Variants in TNNI3K observed in about 807,000 individuals in gnomAD.
TNNI3K encodes serine/threonine-protein kinase TNNI3K.
TNNI3K carries 140 observed loss-of-function variants against 114.5 expected under a neutral mutation model. The ratio of observed to expected loss-of-function variants is 1.22; its 90% CI spans 1.07 to 1.41. TNNI3K has a LOEUF of 1.41. Ranked by LOEUF, TNNI3K falls within the 40% of genes most tolerant of loss-of-function variation. The pLI, the probability that TNNI3K is intolerant of heterozygous loss-of-function variation, is 0.00. For missense variants in TNNI3K, 1,125 were observed against 1,007.6 expected (o/e 1.12, Z -1.58); for synonymous variants, 347 against 347.5 (o/e 1.00, Z 0.02).
chr1:74,427,490 C>T (rs1665693667), intron 17 of TNNI3K, among the ~76,000 whole-genome samples: 1 of 151,966 alleles, frequency 6.6e-6, no homozygotes, highest in Admixed American at 6.6e-5. Context: ...GTTTCACAAC[C>T]AATTGTTGGA....
At chr1:74,471,451 A>C (rs1667928689) in intron 21 of TNNI3K, 1 of 400,670 alleles carries the variant, frequency 2.5e-6, no homozygotes. Flanking sequence ...GACTTTTCTA[A>C]AAGGATGTAA....
intron 13 of TNNI3K, 46 bp downstream of exon 13, chr1:74,368,010 A>G: frequency 6.7e-7 from 1 of 1,488,838 alleles, no homozygotes; most frequent in Non-Finnish European, 9.0e-7. Context: ...ACTAAGGATA[A>G]CTATTGCTTC....
chr1:74,257,663 C>CTTACCTCTTT lies in TNNI3K; in HGVS notation c.333+6896_333+6897insACCTCTTTTT, dbSNP rs771946564. Among the ~76,000 whole-genome samples, 30 of 87,280 alleles carry CTTACCTCTTT rather than the reference C, an allele frequency of 3.4e-4. 1 individual carries two copies. Among genetic ancestry groups the CTTACCTCTTT allele is most frequent in the African/African-American group, 1.5e-3 (28 of 18,646 alleles). The allele number at this position is 87,280 out of a possible 152,430, so 57.3% of individuals were successfully genotyped here. A position where few individuals can be genotyped will look rare whatever the true frequency, so the allele number is the denominator to read the frequency against. ...TTGAACTTAGCCTCTTGGCTTACCT[C>CTTACCTCTTT]TTTTTTTTTTTTTTTTTTTTTTTGA... On this transcript the variant is annotated intron_variant, in intron 4 of 24. Coordinates refer to ENST00000326637, the MANE Select transcript of TNNI3K (RefSeq NM_015978.3).
intron 21 of TNNI3K, among the ~76,000 whole-genome samples, chr1:74,477,859 C>T (rs3737566): frequency 0.097 from 14,701 of 152,186 alleles, 1,850 homozygotes; most frequent in African/African-American, 0.29. Context: ...TAACAATCTA[C>T]CTGTGTTGGC....
At chr1:74,237,369 G>T (rs1232684870) in intron 2 of TNNI3K, among the ~76,000 whole-genome samples, 1 of 151,932 alleles carries the variant, frequency 6.6e-6, no homozygotes, top group South Asian at 2.1e-4. Context: ...ATATGTATTT[G>T]TTTTGTTGGA....
chr1:74,430,131 C>T, intron 17 of TNNI3K, among the ~76,000 whole-genome samples: 1 of 152,056 alleles, frequency 6.6e-6, no homozygotes, highest in East Asian at 1.9e-4. Context: ...TCTAAGGCCA[C>T]CATGAACTTC....
At chr1:74,461,455 G>C (rs1007353910) in intron 20 of TNNI3K, among the ~76,000 whole-genome samples, 1 of 150,704 alleles carries the variant, frequency 6.6e-6, no homozygotes, top group Non-Finnish European at 1.5e-5. Context: ...ACTCCAGCCT[G>C]GGTGACACAG....
chr1:74,460,307 T>TCTGC lies in TNNI3K; in HGVS notation c.2012-3132_2012-3129dup, dbSNP rs537441298. 7.8e-3 allele frequency among the ~76,000 whole-genome samples: 1,190 copies of TCTGC among 152,230 alleles called. 19 individuals carry two copies. The highest frequency in any genetic ancestry group is 0.027 in the African/African-American group (1,130 of 41,526). ...TGGTCTCAATCTCCTGACCTCGTGA[T>TCTGC]CTGCCGCCTCGGCCTCCCAAAGTGC... On this transcript the variant is annotated intron_variant, in intron 20 of 24. Coordinates refer to ENST00000326637, the MANE Select transcript of TNNI3K (RefSeq NM_015978.3).
intron 5 of TNNI3K, among the ~76,000 whole-genome samples, chr1:74,324,958 G>A (rs1247579629): frequency 6.6e-6 from 1 of 152,108 alleles, no homozygotes; most frequent in East Asian, 1.9e-4. Context: ...AGAAACTATA[G>A]GGAAAGGAGC....
At position 74,354,104 on chromosome 1, in the gene TNNI3K, A is replaced by G. The variant is rs1366249712; in HGVS notation, c.1152A>G (p.Thr384=). 5.0e-6 allele frequency: 8 copies of G among 1,613,938 alleles called. No homozygotes were observed. The South Asian group carries it at 8.8e-5, about 18-fold the overall frequency. ...CTAGTGGTGAAAAAGATGAGCAGACATGTTTGATGTGGGCTTATGAAAAAG... is the reference window on the plus strand; with the variant it reads ...CTAGTGGTGAAAAAGATGAGCAGACGTGTTTGATGTGGGCTTATGAAAAAG... ...SRSSGEKDEQ[T]CLMWAYEKGH... is the part of the protein sequence containing the mutation. The change falls in exon 11 of 25, where the codon ACA becomes ACG. Residue 384 remains threonine (T), a synonymous_variant. Coordinates refer to ENST00000326637, the MANE Select transcript of TNNI3K (RefSeq NM_015978.3).
At chr1:74,367,484 T>G in intron 12 of TNNI3K, 142 bp downstream of exon 12, 1 of 874,162 alleles carries the variant, frequency 1.1e-6, no homozygotes, top group South Asian at 1.9e-5. Context: ...TTAAGTAACC[T>G]TATGTCTGGG....
At chr1:74,489,329 G>A (rs1485204879) in intron 22 of TNNI3K, 81 bp downstream of exon 22, 1 of 1,456,512 alleles carries the variant, frequency 6.9e-7, no homozygotes, top group Non-Finnish European at 9.4e-7. Context: ...ATGAGCTGGT[G>A]CTTATGAAAA....
At position 74,459,783 on chromosome 1, in the gene TNNI3K, T is replaced by G. The variant is rs374019182; in HGVS notation, c.2012-3658T>G. 5.9e-5 allele frequency among the ~76,000 whole-genome samples: 9 copies of G among 152,350 alleles called. No homozygotes were observed. The East Asian group carries it at 1.5e-3, about 26-fold the overall frequency. ...CATACACAATCTCCATTCATGTCTT[T>G]TCTTTTCTTGATAAAGTATCGACAA... On this transcript the variant is annotated intron_variant, in intron 20 of 24. Transcript: ENST00000326637.
chr1:74,483,260 A>G (rs1668591735), intron 21 of TNNI3K: 2 of 717,154 alleles, frequency 2.8e-6, no homozygotes, highest in East Asian at 2.7e-5. Flanking sequence ...TAGTTTTATT[A>G]CCTACTATAT....
intron 5 of TNNI3K, among the ~76,000 whole-genome samples, chr1:74,285,149 G>A (rs772513033): frequency 2.0e-5 from 3 of 152,092 alleles, no homozygotes; most frequent in African/African-American, 4.8e-5. Flanking sequence ...TATAAGGCCC[G>A]TGTCCAGATC....
At chr1:74,413,218 C>T (rs1250771610) in intron 17 of TNNI3K, among the ~76,000 whole-genome samples, 7 of 152,050 alleles carry the variant, frequency 4.6e-5, no homozygotes, top group Admixed American at 4.6e-4. Context: ...ACAGGCTCTT[C>T]TAAAAAGCAT....
At position 74,413,713 on chromosome 1, in the gene TNNI3K, A is replaced by G. The variant is rs537538572; in HGVS notation, c.1773-22367A>G. 1.2e-4 allele frequency among the ~76,000 whole-genome samples: 18 copies of G among 152,324 alleles called. No homozygotes were observed. In the South Asian group the frequency reaches 3.7e-3, roughly 32 times the overall value. The stretch of plus-strand genomic sequence containing the variant: ...ATTTACGATTATAGTAGTATTCTAC[A>G]TTAGACTTGGTGTTTTAGTGTGCAT... On this transcript the variant is annotated intron_variant, in intron 17 of 24. Coordinates refer to ENST00000326637, the MANE Select transcript of TNNI3K (RefSeq NM_015978.3).
chr1:74,441,505 T>A (rs531059381), intron 20 of TNNI3K, among the ~76,000 whole-genome samples: 1 of 152,262 alleles, frequency 6.6e-6, no homozygotes, highest in East Asian at 1.9e-4. Flanking sequence ...TTTGTGTGGT[T>A]GTTTTTGTTT....
chr1:74,420,054 A>C (rs1284915231), intron 17 of TNNI3K, among the ~76,000 whole-genome samples: 1 of 152,036 alleles, frequency 6.6e-6, no homozygotes, highest in Non-Finnish European at 1.5e-5. Context: ...AGAAAAGACA[A>C]AATAATTTAG....
Sources: gnomAD v4.1 joint callset for allele counts (sites outside exome capture counted in the v4.1 genomes callset) on GRCh38, gnomAD v4.1.1 for gene constraint, MANE v1.5 for transcripts, NCBI Gene and HGNC (gene_info 2026-07-23, HGNC 2026-07-21) for gene names.